The following VAT1L variants were observed in gnomAD, a reference collection of about 807,000 sequenced individuals.
VAT1L encodes putative NADPH-dependent quinone oxidoreductase VAT1L.
In VAT1L, 34 loss-of-function variants were observed where a neutral mutation model predicts 44.1. That is an observed-to-expected ratio of 0.77 (90% CI 0.59 to 1.03). The LOEUF is 1.03. Ranked by LOEUF, VAT1L falls within the 50% of genes least tolerant of loss-of-function variation. The pLI is 0.00. For missense variants in VAT1L, 615 were observed against 538.8 expected, an observed-to-expected ratio of 1.14 and a Z score of -1.40; for synonymous variants, 253 against 202.2, an observed-to-expected ratio of 1.25 and a Z score of -2.13.
chr16:77,906,955 AT>A (rs1327933582), intron 7 of VAT1L, among the ~76,000 whole-genome samples: 1 of 152,206 alleles, frequency 6.6e-6, no homozygotes, highest in Non-Finnish European at 1.5e-5. Flanking sequence ...AGTGGATTCA[AT>A]TTCTTTCATG....
At chr16:77,829,688 C>T (rs1344540408) in intron 3 of VAT1L, among the ~76,000 whole-genome samples, 1 of 152,152 alleles carries the variant, frequency 6.6e-6, no homozygotes, top group Non-Finnish European at 1.5e-5. Flanking sequence ...GAATGAGACT[C>T]ATGTTGGGCC....
chr16:77,952,474 C>A (rs188701368), intron 7 of VAT1L, among the ~76,000 whole-genome samples: 346 of 152,192 alleles, frequency 2.3e-3, no homozygotes, highest in African/African-American at 8.0e-3. Flanking sequence ...CCACCCCTCG[C>A]CTGCATCTGC....
intron 7 of VAT1L, among the ~76,000 whole-genome samples, chr16:77,913,068 A>G (rs1207680683): frequency 6.6e-6 from 1 of 152,206 alleles, no homozygotes; most frequent in Non-Finnish European, 1.5e-5. Flanking sequence ...GGGTGGGGTC[A>G]TAGGCATTCA....
intron 7 of VAT1L, among the ~76,000 whole-genome samples, chr16:77,919,272 C>T (rs539866065): frequency 2.1e-4 from 32 of 152,270 alleles, no homozygotes; most frequent in South Asian, 4.1e-4. Context: ...CAAACCAGAC[C>T]GGTGCCTTTC....
rs28706626 is a variant in VAT1L at position 77,974,112 on chromosome 16, T to C, written c.1161+2179T>C. On this transcript the variant is annotated intron_variant, in intron 8 of 8. Transcript: ENST00000302536. ...CATTCAATGAAGGACACCTTCAACATTGTAAAACACCCTCTTGTTAAGTGA... is the reference window on the plus strand; with the variant it reads ...CATTCAATGAAGGACACCTTCAACACTGTAAAACACCCTCTTGTTAAGTGA... 2.4e-3 allele frequency among the ~76,000 whole-genome samples: 364 copies of C among 152,332 alleles called. 3 individuals are homozygous for C. Among genetic ancestry groups the C allele is most frequent in the African/African-American group, 8.3e-3 (346 of 41,566 alleles).
Position 77,931,542 on chromosome 16 carries a change from A to C in VAT1L, c.1078-40308A>C, listed in dbSNP as rs58048392. Reference sequence around the variant, plus strand: ...TATTTTCTGATGTGTAAAATTCACCAGTTATATGAGACGTCACCCAATTTT... The same window carrying C: ...TATTTTCTGATGTGTAAAATTCACCCGTTATATGAGACGTCACCCAATTTT... On this transcript the variant is annotated intron_variant, in intron 7 of 8. Transcript: ENST00000302536. Among the ~76,000 whole-genome samples, 873 of 152,366 alleles carry C rather than the reference A, an allele frequency of 5.7e-3. 5 individuals are homozygous for C. Among genetic ancestry groups the C allele is most frequent in the African/African-American group, 0.02 (837 of 41,584 alleles).
chr16:77,946,499 A>G (rs1042619071), intron 7 of VAT1L, among the ~76,000 whole-genome samples: 4 of 150,566 alleles, frequency 2.7e-5, no homozygotes, highest in Non-Finnish European at 4.4e-5. Context: ...AGCCAGCATG[A>G]TCTCGATCTC....
intron 4 of VAT1L, among the ~76,000 whole-genome samples, chr16:77,874,156 T>C (rs969932570): frequency 1.3e-5 from 2 of 152,026 alleles, no homozygotes; most frequent in African/African-American, 4.8e-5. Context: ...GCAGGAGGTA[T>C]GCATGGCCTA....
At chr16:77,967,614 T>C (rs1301191548) in intron 7 of VAT1L, among the ~76,000 whole-genome samples, 1 of 152,138 alleles carries the variant, frequency 6.6e-6, no homozygotes, top group African/African-American at 2.4e-5. Flanking sequence ...GTCAGTTCAT[T>C]TCAGAAAGAA....
chr16:77,835,698 C>A (rs2016631911), intron 3 of VAT1L, among the ~76,000 whole-genome samples: 1 of 152,036 alleles, frequency 6.6e-6, no homozygotes, highest in Non-Finnish European at 1.5e-5. Flanking sequence ...CATGGTGAAA[C>A]CCCATCTCTA....
chr16:77,788,699 TGGA>T lies in VAT1L; in HGVS notation c.19_21del (p.Glu7del), dbSNP rs1458342362. The T allele has an allele frequency of 3.9e-6, 6 of 1,551,696 alleles. No homozygotes were observed. The highest frequency in any genetic ancestry group is 5.2e-6 in the Non-Finnish European group (6 of 1,147,484). On this transcript the variant is annotated inframe_deletion, in exon 1 of 9. Coordinates refer to ENST00000302536, the MANE Select transcript of VAT1L (RefSeq NM_020927.3). ...TCGAGCGCCATGGCCAAGGAAGGCG[TGGA>T]GAAGGCGGAGGAGACGGAGCAAATG... is the stretch of plus-strand genomic sequence containing the variant.
intron 7 of VAT1L, among the ~76,000 whole-genome samples, chr16:77,919,579 C>A (rs2017589109): frequency 2.6e-5 from 4 of 152,034 alleles, no homozygotes; most frequent in Admixed American, 2.6e-4. Context: ...CCCATTTTTT[C>A]AATTGGTGGC....
At chr16:77,854,613 A>AT (rs1408091627) in intron 3 of VAT1L, among the ~76,000 whole-genome samples, 2 of 152,208 alleles carry the variant, frequency 1.3e-5, no homozygotes, top group African/African-American at 4.8e-5. Context: ...ATTTTCAGTT[A>AT]TTTTTGCTCA....
Position 77,937,245 on chromosome 16 carries a change from G to T in VAT1L, c.1078-34605G>T, listed in dbSNP as rs187974673. 6.0e-4 allele frequency among the ~76,000 whole-genome samples: 91 copies of T among 151,560 alleles called. 1 individual carries two copies. The highest frequency in any genetic ancestry group is 2.2e-3 in the African/African-American group (88 of 40,888). On this transcript the variant is annotated intron_variant, in intron 7 of 8. Coordinates refer to ENST00000302536, the MANE Select transcript of VAT1L (RefSeq NM_020927.3). ...AGCCTGAGCCTCACAGTTCCCTTCA[G>T]GTTCATCGTCCTCCTCACGCAAATC...
At chr16:77,937,699 G>C (rs1336632112) in intron 7 of VAT1L, among the ~76,000 whole-genome samples, 2 of 152,208 alleles carry the variant, frequency 1.3e-5, no homozygotes, top group African/African-American at 4.8e-5. Flanking sequence ...AGGCCAGTTG[G>C]AGTTTTGCCA....
rs957529843 is a variant in VAT1L, at chr16:77,816,798, C to G, written c.234-123C>G. ...CTTTGCCAAAAAGAAAAAAAAAAGA[C>G]AGGAAGGAGTGAAGAAGGGAGGGAG... On this transcript the variant is annotated intron_variant, in intron 1 of 8. Transcript: ENST00000302536. 4.1e-6 allele frequency: 5 copies of G among 1,226,906 alleles called. No individual in the cohort carries two copies. In the African/African-American group the frequency reaches 6.3e-5, roughly 15 times the overall value. The allele number at this position is 1,226,906 out of a possible 1,614,324, so 76.0% of individuals were successfully genotyped here.
intron 4 of VAT1L, among the ~76,000 whole-genome samples, chr16:77,864,967 C>CTTTTT (rs869037679): frequency 3.4e-4 from 32 of 95,384 alleles, no homozygotes; most frequent in African/African-American, 4.1e-4. Flanking sequence ...TCTTCTTATC[C>CTTTTT]TTTTTTTTTT....
chr16:77,801,590 CAT>C (rs1279986183), intron 1 of VAT1L: 1 of 152,058 alleles, frequency 6.6e-6, no homozygotes, highest in African/African-American at 2.4e-5. Context: ...TAGTCTGAGC[CAT>C]ATGATTCAAG....
In VAT1L at chr16:77,839,413, G is replaced by A. The variant is rs2016678319; in HGVS notation, c.579+13952G>A. ...CAGCTGGGCGTGGTGGTGGGCACCTGTAGTTCCAGCTACTCAGGAGGCTGA... is the reference window on the plus strand; with the variant it reads ...CAGCTGGGCGTGGTGGTGGGCACCTATAGTTCCAGCTACTCAGGAGGCTGA... On this transcript the variant is annotated intron_variant, in intron 3 of 8. Coordinates refer to ENST00000302536, the MANE Select transcript of VAT1L (RefSeq NM_020927.3). Among the ~76,000 whole-genome samples, 5 of 151,764 alleles carry A rather than the reference G, an allele frequency of 3.3e-5. No homozygotes were observed. The East Asian group carries it at 5.8e-4, about 18-fold the overall frequency.
Sources: allele counts gnomAD v4.1 joint callset (sites outside exome capture counted in the v4.1 genomes callset), GRCh38; gene constraint gnomAD v4.1.1; transcripts MANE v1.5; gene names NCBI Gene and HGNC (gene_info 2026-07-23, HGNC 2026-07-21).